The following MTCL1 variants were observed in gnomAD, a reference collection of about 807,000 sequenced individuals.
MTCL1 encodes the protein microtubule crosslinking factor 1.
In MTCL1, 79 loss-of-function variants were observed where a neutral mutation model predicts 141.4. That is an observed-to-expected ratio of 0.56 (90% CI 0.47 to 0.67). The LOEUF (loss-of-function observed/expected upper bound fraction) is 0.67. MTCL1 is among the 30% of genes least tolerant of loss of function. MTCL1 has a pLI of 0.00. For missense variants in MTCL1, 2,177 were observed against 2,113.9 expected (o/e 1.03, Z -0.59); for synonymous variants, 914 against 875.8 (o/e 1.04, Z -0.77).
intron 4 of MTCL1, among the ~76,000 whole-genome samples, chr18:8,745,820 C>T (rs992774889): frequency 2.6e-5 from 4 of 152,104 alleles, no homozygotes; most frequent in East Asian, 1.9e-4. Flanking sequence ...GTTGAGCAAC[C>T]GCCGTCTATC....
chr18:8,778,026 A>G (rs2096518301), intron 5 of MTCL1, 134 bp downstream of exon 4: 13 of 703,712 alleles, frequency 1.8e-5, no homozygotes, highest in Non-Finnish European at 2.8e-5. Flanking sequence ...ACGTGGACTC[A>G]TTCCTAACCT....
Position 8,760,845 on chromosome 18 carries a change from T to C in MTCL1, c.358-16988T>C, listed in dbSNP as rs530475269. The stretch of plus-strand genomic sequence containing the variant: ...AATTTCTCCCTCTAGTATTTTCTGG[T>C]ACATTTTAGAAATATTTTTCCACAA... On this transcript the variant is annotated intron_variant, in intron 4 of 16. Transcript: ENST00000359865. Among the ~76,000 whole-genome samples, 10 of 152,338 alleles carry C rather than the reference T, an allele frequency of 6.6e-5. No individual in the cohort carries two copies. The East Asian group carries it at 1.7e-3, about 26-fold the overall frequency.
intron 1 of MTCL1, among the ~76,000 whole-genome samples, chr18:8,711,430 G>A (rs1371913201): frequency 4.1e-5 from 6 of 144,986 alleles, no homozygotes; most frequent in South Asian, 2.3e-4. Flanking sequence ...GGGTCAAATG[G>A]TATTTCTAGT....
intron 4 of MTCL1, among the ~76,000 whole-genome samples, chr18:8,736,254 G>C (rs899602049): frequency 6.6e-6 from 1 of 152,160 alleles, no homozygotes; most frequent in African/African-American, 2.4e-5. Flanking sequence ...GTGACATCAT[G>C]CATCTTAAAA....
chr18:8,821,525 AT>A, intron 14 of MTCL1, 27 bp downstream of exon 13: 1 of 1,222,350 alleles, frequency 8.2e-7, no homozygotes. Flanking sequence ...AAAATAATAG[AT>A]TACTAGAATA....
chr18:8,784,405 G>A, exon 6 of MTCL1: 2 of 1,527,020 alleles, frequency 1.3e-6, no homozygotes, highest in South Asian at 1.3e-5. Flanking sequence ...TCGGGAGCGG[G>A]AAGCCATCGG....
intron 4 of MTCL1, among the ~76,000 whole-genome samples, chr18:8,725,867 G>A (rs2096206765): frequency 7.2e-6 from 1 of 138,318 alleles, no homozygotes; most frequent in African/African-American, 2.7e-5. Context: ...TCGGCTCACT[G>A]CAAGCTCTGC....
chr18:8,720,456 C>T, exon 4 of MTCL1: 1 of 1,613,980 alleles, frequency 6.2e-7, no homozygotes, highest in Non-Finnish European at 8.5e-7. Flanking sequence ...GTGGAAATAT[C>T]CAAACAGGCC....
chr18:8,720,950 T>C (rs73939508), intron 4 of MTCL1, among the ~76,000 whole-genome samples: 4,166 of 150,968 alleles, frequency 0.028, 220 homozygotes, highest in African/African-American at 0.095. Context: ...CTGGAAAGTA[T>C]GTTATGGTTG....
At position 8,765,333 on chromosome 18, in the gene MTCL1, C is replaced by T. The variant is rs1219206670; in HGVS notation, c.358-12500C>T. 7.2e-5 allele frequency among the ~76,000 whole-genome samples: 11 copies of T among 152,188 alleles called. No homozygotes were observed. The East Asian group carries it at 1.9e-3, about 27-fold the overall frequency. ...CACACTCACGCTCTGCCCCAGTGAG[C>T]CCAAGGGGCAAGAAATGACTGGCTG... On this transcript the variant is annotated intron_variant, in intron 4 of 16. Transcript: ENST00000359865.
intron 4 of MTCL1, among the ~76,000 whole-genome samples, chr18:8,721,128 G>A (rs1044837627): frequency 6.6e-6 from 1 of 152,142 alleles, no homozygotes; most frequent in African/African-American, 2.4e-5. Context: ...ATCCTGTTTT[G>A]TTATTGACTT....
exon 6 of MTCL1, chr18:8,784,672 G>A (rs145026398): frequency 5.0e-6 from 8 of 1,614,176 alleles, no homozygotes; most frequent in Non-Finnish European, 5.9e-6. Flanking sequence ...CCAAGATGAA[G>A]GCTTTCAAGA....
At chr18:8,718,478 G>A in exon 3 of MTCL1, 1 of 1,614,222 alleles carries the variant, frequency 6.2e-7, no homozygotes. Flanking sequence ...CAGTTATTTA[G>A]AGGAAGATGT....
chr18:8,722,052 G>C lies in MTCL1; in HGVS notation c.357+1556G>C, dbSNP rs116662171. 5.1e-3 allele frequency among the ~76,000 whole-genome samples: 783 copies of C among 152,294 alleles called. 8 individuals carry two copies. The highest frequency in any genetic ancestry group is 0.018 in the African/African-American group (748 of 41,564). On this transcript the variant is annotated intron_variant, in intron 4 of 16. Coordinates refer to ENST00000359865, the Ensembl canonical transcript of MTCL1. Reference sequence around the variant, plus strand: ...CACCCCTTAACTTAGACTTGTGTCTGCTCCCAGGACTCGAGGAATTTGTCC... The same window carrying C: ...CACCCCTTAACTTAGACTTGTGTCTCCTCCCAGGACTCGAGGAATTTGTCC...
Position 8,830,770 on chromosome 18 carries a change from A to G in MTCL1, c.*19-837A>G. 1.0e-6 allele frequency: 1 copy of G among 985,448 alleles called. No individual in the cohort carries two copies. The highest frequency in any genetic ancestry group is 1.2e-6 in the Non-Finnish European group (1 of 829,940). 61.0% of individuals were successfully genotyped at this position (985,448 alleles called of 1,614,324 possible). A position where few individuals can be genotyped will look rare whatever the true frequency, so the allele number is the denominator to read the frequency against. On this transcript the variant is annotated intron_variant, in intron 16 of 16. Coordinates refer to ENST00000359865, the Ensembl canonical transcript of MTCL1. The surrounding 1 kb of genome is among the most constrained non-coding windows in gnomAD (Gnocchi z 6.4). Reference sequence around the variant, plus strand: ...GCCACAGCTTTTTACATTTCTGTGTATCAGCAAATTCCAAATTTGGGTGTC... The same window carrying G: ...GCCACAGCTTTTTACATTTCTGTGTGTCAGCAAATTCCAAATTTGGGTGTC...
intron 4 of MTCL1, among the ~76,000 whole-genome samples, chr18:8,731,328 C>G (rs2096249518): frequency 6.6e-6 from 1 of 151,666 alleles, no homozygotes; most frequent in Non-Finnish European, 1.5e-5. Flanking sequence ...AATCCCAGTA[C>G]TTTAGGAGGC....
At chr18:8,726,814 A>G (rs2096218546) in intron 4 of MTCL1, among the ~76,000 whole-genome samples, 1 of 152,196 alleles carries the variant, frequency 6.6e-6, no homozygotes, top group African/African-American at 2.4e-5. Flanking sequence ...TTTAAATTTT[A>G]GATTCGGAGG....
exon 1 of MTCL1, chr18:8,706,276 A>G (rs2096058247): frequency 1.6e-6 from 2 of 1,228,900 alleles, no homozygotes; most frequent in African/African-American, 1.6e-5. Flanking sequence ...CATCAGCCAC[A>G]CGGACAGCAG....
exon 2 of MTCL1, chr18:8,717,935 T>C: frequency 1.0e-6 from 1 of 998,754 alleles, no homozygotes; most frequent in Non-Finnish European, 1.2e-6. Flanking sequence ...ATGCGTCTTG[T>C]GGAACAGAAT....
Sources: gnomAD v4.1 joint callset for allele counts (sites outside exome capture counted in the v4.1 genomes callset) on GRCh38, gnomAD v4.1.1 for gene constraint, Gnocchi (gnomAD v3.1) non-coding constraint, MANE v1.5 for transcripts, NCBI Gene and HGNC (gene_info 2026-07-23, HGNC 2026-07-21) for gene names.